The following C5orf22 variants were observed in gnomAD, a reference collection of about 807,000 sequenced individuals.
C5orf22 encodes the protein chromosome 5 open reading frame 22.
A neutral mutation model predicts 48.7 loss-of-function variants in C5orf22; 36 were observed. The observed-to-expected ratio is 0.74, with a 90% CI of 0.57 to 0.98. C5orf22 has a LOEUF of 0.98. Ranked by LOEUF, C5orf22 falls within the 50% of genes least tolerant of loss-of-function variation. The pLI is 0.00. For missense variants in C5orf22, 486 were observed against 521.9 expected (o/e 0.93, Z 0.67); for synonymous variants, 141 against 180.8 (o/e 0.78, Z 1.76).
At chr5:31,540,799 C>A in intron 4 of C5orf22, 150 bp from the exon 5 acceptor site, 1 of 608,866 alleles carries the variant, frequency 1.6e-6, no homozygotes, top group South Asian at 2.0e-5. Flanking sequence ...CTAAAGTATA[C>A]ATTTTGCCTG....
chr5:31,546,482 T>C (rs903049964), intron 7 of C5orf22, among the ~76,000 whole-genome samples: 3 of 152,208 alleles, frequency 2.0e-5, no homozygotes, highest in Non-Finnish European at 4.4e-5. Context: ...TAAGTATTGA[T>C]TGAATTTATA....
At chr5:31,533,454 C>T (rs1741847618) in intron 1 of C5orf22, among the ~76,000 whole-genome samples, 1 of 151,966 alleles carries the variant, frequency 6.6e-6, no homozygotes, top group Non-Finnish European at 1.5e-5. Flanking sequence ...GGATGGGAGG[C>T]AGTTCTCTGG....
chr5:31,552,875 G>T lies in C5orf22; in HGVS notation c.1302G>T (p.Val434=), dbSNP rs771921916. Residue 434 remains valine (V), a synonymous_variant, in exon 9 of 9, where the codon GTG becomes GTT. Coordinates refer to ENST00000325366, the MANE Select transcript of C5orf22 (RefSeq NM_018356.3). ...TCTATGGAAATCTAGACCTCCAAGT[G>T]TATGCAGCAGAGTCTCCTCCATCTT... ...RALYGNLDLQ[V]YAAESPPS 1.4e-5 allele frequency: 22 copies of T among 1,613,822 alleles called. No homozygotes were observed. The highest frequency in any genetic ancestry group is 1.8e-5 in the Non-Finnish European group (21 of 1,179,808).
chr5:31,547,826 G>T (rs1742991645), intron 7 of C5orf22, among the ~76,000 whole-genome samples: 1 of 152,200 alleles, frequency 6.6e-6, no homozygotes, highest in South Asian at 2.1e-4. Context: ...CTACCGCAAA[G>T]GTCTCTGACA....
At chr5:31,538,919 C>G (rs1742278527) in intron 4 of C5orf22, among the ~76,000 whole-genome samples, 1 of 152,146 alleles carries the variant, frequency 6.6e-6, no homozygotes, top group Non-Finnish European at 1.5e-5. Flanking sequence ...ATTGCCAACT[C>G]CTGCTCTAGA....
intron 5 of C5orf22, 124 bp from the exon 6 acceptor site, chr5:31,541,157 A>G (rs931917227): frequency 3.8e-6 from 4 of 1,064,162 alleles, no homozygotes; most frequent in Admixed American, 4.7e-5. Flanking sequence ...TGTATTGGCG[A>G]AGCCCATGGT....
intron 7 of C5orf22, among the ~76,000 whole-genome samples, chr5:31,546,685 C>A (rs1017610175): frequency 6.6e-6 from 1 of 152,098 alleles, no homozygotes; most frequent in Admixed American, 6.6e-5. Flanking sequence ...AGAGCTTGTG[C>A]AGGGAGACTT....
At chr5:31,534,173 C>T in intron 1 of C5orf22, 99 bp from the exon 2 acceptor site, 4 of 1,041,198 alleles carry the variant, frequency 3.8e-6, no homozygotes, top group Non-Finnish European at 5.7e-6. Context: ...AGTATGCTTT[C>T]AATTATGTGC....
At chr5:31,541,480 ATTGCTTTT>A in intron 6 of C5orf22, 78 bp downstream of exon 6, 1 of 1,504,702 alleles carries the variant, frequency 6.6e-7, no homozygotes, top group Non-Finnish European at 9.1e-7. Context: ...TGCAAGATAC[ATTGCTTTT>A]AAAAAAGTAG....
At chr5:31,540,661 G>GTA (rs1446873947) in intron 4 of C5orf22, among the ~76,000 whole-genome samples, 1 of 152,130 alleles carries the variant, frequency 6.6e-6, no homozygotes, top group East Asian at 1.9e-4. Flanking sequence ...TAGCCACCAA[G>GTA]TATGCTTCCT....
Position 31,534,059 on chromosome 5 carries a change from T to G in C5orf22, c.82-213T>G, listed in dbSNP as rs577501007. ...TTCAAGGGGGCAGCAGGAAGGCCGC[T>G]GGAGATGCAGGTTGGAAGTTCTGAG... On this transcript the variant is annotated intron_variant, in intron 1 of 8. Coordinates refer to ENST00000325366, the MANE Select transcript of C5orf22 (RefSeq NM_018356.3). Among the ~76,000 whole-genome samples, 6 of 152,316 alleles carry G rather than the reference T, an allele frequency of 3.9e-5. No homozygotes were observed. In the East Asian group the frequency reaches 1.2e-3, roughly 29 times the overall value.
chr5:31,540,522 T>C (rs1468706921), intron 4 of C5orf22, among the ~76,000 whole-genome samples: 1 of 152,198 alleles, frequency 6.6e-6, no homozygotes, highest in Non-Finnish European at 1.5e-5. Flanking sequence ...AAAGTGAACA[T>C]AGGGAGTTCT....
chr5:31,537,556 A>G (rs375256755), intron 3 of C5orf22, among the ~76,000 whole-genome samples: 2 of 152,256 alleles, frequency 1.3e-5, no homozygotes. Context: ...TAGGTGGGTA[A>G]GGCATGCCTC....
intron 6 of C5orf22, among the ~76,000 whole-genome samples, chr5:31,543,772 A>C (rs1443940036): frequency 1.3e-5 from 2 of 152,104 alleles, no homozygotes; most frequent in East Asian, 3.9e-4. Flanking sequence ...TTCAACAACA[A>C]CAAAATAGGC....
intron 7 of C5orf22, among the ~76,000 whole-genome samples, chr5:31,546,790 G>A (rs1280385477): frequency 6.6e-6 from 1 of 152,080 alleles, no homozygotes; most frequent in Admixed American, 6.5e-5. Flanking sequence ...ACCTCCCATC[G>A]GCTTCCTCCC....
chr5:31,541,160 C>T, intron 5 of C5orf22, 121 bp from the exon 6 acceptor site: 1 of 1,089,718 alleles, frequency 9.2e-7, no homozygotes, highest in East Asian at 2.6e-5. Context: ...ATTGGCGAAG[C>T]CCATGGTTAG....
intron 3 of C5orf22, 62 bp from the exon 4 acceptor site, chr5:31,538,198 C>A: frequency 8.2e-7 from 1 of 1,226,086 alleles, no homozygotes; most frequent in Non-Finnish European, 1.2e-6. Flanking sequence ...TCTGCCATAC[C>A]ATAGTGAAAT....
chr5:31,547,296 G>A (rs1742954662), intron 7 of C5orf22, among the ~76,000 whole-genome samples: 1 of 152,236 alleles, frequency 6.6e-6, no homozygotes, highest in African/African-American at 2.4e-5. Flanking sequence ...CCTCCCTCCT[G>A]GCTGTTTTCA....
chr5:31,538,176 C>A, intron 3 of C5orf22, 84 bp from the exon 4 acceptor site: 1 of 1,003,928 alleles, frequency 1.0e-6, no homozygotes, highest in South Asian at 1.6e-5. Flanking sequence ...CAAATAGGTC[C>A]GTTCTTATAT....
Sources: allele counts gnomAD v4.1 joint callset (sites outside exome capture counted in the v4.1 genomes callset), GRCh38; gene constraint gnomAD v4.1.1; transcripts MANE v1.5; gene names NCBI Gene and HGNC (gene_info 2026-07-23, HGNC 2026-07-21).